The following FBXW8 variants were observed in gnomAD, a reference collection of about 807,000 sequenced individuals.
FBXW8 encodes F-box and WD repeat domain containing 8, also known as F-box/WD repeat-containing protein 8.
A neutral mutation model predicts 65.3 loss-of-function variants in FBXW8; 57 were observed. The ratio of observed to expected loss-of-function variants is 0.87; its 90% confidence interval spans 0.71 to 1.09. The LOEUF is 1.09. FBXW8 is among the 50% of genes least tolerant of loss of function. The probability of loss-of-function intolerance (pLI) is 0.00; values close to 1 mark genes in which losing one functional copy is unlikely to be tolerated. For synonymous variants in FBXW8, 308 were observed against 330.2 expected (o/e 0.93, Z 0.73); for missense variants, 777 against 814.8 (o/e 0.95, Z 0.57).
intron 5 of FBXW8, among the ~76,000 whole-genome samples, chr12:116,970,944 A>G (rs1884612270): frequency 6.6e-6 from 1 of 152,232 alleles, no homozygotes; most frequent in South Asian, 2.1e-4. Context: ...TTGCAAACAA[A>G]ACAGAATGAG....
chr12:117,013,850 A>G (rs1189940708), intron 8 of FBXW8, among the ~76,000 whole-genome samples: 4 of 151,970 alleles, frequency 2.6e-5, no homozygotes, highest in African/African-American at 7.2e-5. Context: ...TGGGGCATTT[A>G]TGAGAAGCTT....
chr12:116,964,878 C>CT, intron 5 of FBXW8, 24 bp downstream of exon 5: 1 of 1,548,022 alleles, frequency 6.5e-7, no homozygotes, highest in Non-Finnish European at 8.7e-7. Context: ...ACCCTCCTCC[C>CT]TATTAAGGAA....
intron 8 of FBXW8, 126 bp downstream of exon 8, chr12:117,010,576 C>T: frequency 8.2e-7 from 1 of 1,215,758 alleles, no homozygotes; most frequent in South Asian, 1.3e-5. Context: ...CAGCCCCGAT[C>T]CCATAAACAC....
At chr12:116,974,927 G>T (rs947487049) in intron 5 of FBXW8, among the ~76,000 whole-genome samples, 12 of 152,270 alleles carry the variant, frequency 7.9e-5, no homozygotes, top group Admixed American at 4.6e-4. Flanking sequence ...TGAAGGTAGG[G>T]CATCTATAGG....
chr12:116,988,582 A>G, intron 6 of FBXW8, 81 bp from the exon 7 acceptor site: 1 of 1,257,244 alleles, frequency 8.0e-7, no homozygotes, highest in Non-Finnish European at 1.2e-6. Context: ...TGGTCTTCTC[A>G]TTGATGTGTA....
intron 1 of FBXW8, among the ~76,000 whole-genome samples, chr12:116,911,864 T>G (rs1879973080): frequency 6.6e-6 from 1 of 152,170 alleles, no homozygotes; most frequent in African/African-American, 2.4e-5. Context: ...CGTGCACGTA[T>G]TCAAAAAAAT....
chr12:117,022,260 G>A (rs966455794), intron 8 of FBXW8, among the ~76,000 whole-genome samples: 1 of 151,820 alleles, frequency 6.6e-6, no homozygotes, highest in Non-Finnish European at 1.5e-5. Context: ...TTCCCAGAAA[G>A]CCATTTACTC....
At chr12:117,019,701 G>C (rs1021140264) in intron 8 of FBXW8, among the ~76,000 whole-genome samples, 1 of 152,102 alleles carries the variant, frequency 6.6e-6, no homozygotes, top group Non-Finnish European at 1.5e-5. Flanking sequence ...GAATGCCCGC[G>C]CATCCACCTC....
At chr12:116,941,589 G>A (rs1015264250) in intron 2 of FBXW8, among the ~76,000 whole-genome samples, 1 of 152,228 alleles carries the variant, frequency 6.6e-6, no homozygotes, top group Non-Finnish European at 1.5e-5. Flanking sequence ...GCTTTTGGTT[G>A]AATAAGGTAT....
intron 4 of FBXW8, among the ~76,000 whole-genome samples, chr12:116,963,814 G>A (rs938180651): frequency 6.6e-6 from 1 of 152,214 alleles, no homozygotes; most frequent in African/African-American, 2.4e-5. Flanking sequence ...TTGTGATTGT[G>A]TGGTTCTATC....
At chr12:117,003,853 TC>T (rs1953606024) in intron 7 of FBXW8, among the ~76,000 whole-genome samples, 1 of 152,240 alleles carries the variant, frequency 6.6e-6, no homozygotes, top group South Asian at 2.1e-4. Flanking sequence ...GCTTTTAAGA[TC>T]TTCTCCTTGT....
chr12:116,938,834 A>G (rs1882351624), intron 2 of FBXW8, among the ~76,000 whole-genome samples: 1 of 152,210 alleles, frequency 6.6e-6, no homozygotes, highest in African/African-American at 2.4e-5. Flanking sequence ...ATTTGGGGCC[A>G]GTCTTGTGAT....
intron 8 of FBXW8, among the ~76,000 whole-genome samples, chr12:117,019,501 C>T (rs569918361): frequency 1.3e-5 from 2 of 152,326 alleles, no homozygotes; most frequent in East Asian, 3.9e-4. Context: ...CTTGGGTTGC[C>T]TTGTCAGTTA....
At chr12:116,980,246 C>T (rs1042253661) in intron 5 of FBXW8, 1 of 152,260 alleles carries the variant, frequency 6.6e-6, no homozygotes, top group African/African-American at 2.4e-5. Context: ...GTTACATACA[C>T]TACCTTGGTT....
At chr12:116,941,861 C>G (rs902275004) in intron 2 of FBXW8, among the ~76,000 whole-genome samples, 2 of 152,066 alleles carry the variant, frequency 1.3e-5, no homozygotes, top group African/African-American at 4.8e-5. Flanking sequence ...TCACAGTGAA[C>G]ATCTTAGTTT....
At chr12:116,941,271 A>G (rs1158153140) in intron 2 of FBXW8, among the ~76,000 whole-genome samples, 1 of 152,212 alleles carries the variant, frequency 6.6e-6, no homozygotes, top group East Asian at 1.9e-4. Flanking sequence ...TTGATCTCCA[A>G]GGCCCCTCTT....
chr12:116,994,532 T>G (rs1953332062), intron 7 of FBXW8, among the ~76,000 whole-genome samples: 1 of 152,186 alleles, frequency 6.6e-6, no homozygotes, highest in South Asian at 2.1e-4. Flanking sequence ...ATGTTGCCAG[T>G]TTTTTGTGCA....
chr12:116,949,849 C>T (rs934950936), intron 4 of FBXW8, 143 bp downstream of exon 4: 2 of 754,478 alleles, frequency 2.7e-6, no homozygotes, highest in African/African-American at 3.4e-5. Context: ...GAGGGAGAGT[C>T]TCCGTGATTC....
At chr12:117,027,586 T>C (rs1359359625) in intron 10 of FBXW8, 82 bp downstream of exon 10, 6 of 1,064,816 alleles carry the variant, frequency 5.6e-6, no homozygotes, top group Non-Finnish European at 8.6e-6. Context: ...CGTGACACAT[T>C]GCACCCTATG....
Sources: allele counts gnomAD v4.1 joint callset (sites outside exome capture counted in the v4.1 genomes callset), GRCh38; gene constraint gnomAD v4.1.1; transcripts MANE v1.5; gene names NCBI Gene and HGNC (gene_info 2026-07-23, HGNC 2026-07-21).